The following CEP128 variants were observed in gnomAD, a reference collection of about 807,000 sequenced individuals.
CEP128 encodes centrosomal protein 128kDa.
In CEP128, 132 loss-of-function variants were observed where a neutral mutation model predicts 156.7. That is an observed-to-expected ratio of 0.84 (90% CI 0.73 to 0.97). CEP128 has a LOEUF of 0.97. Among genes scored for constraint, CEP128 ranks in the 50% least tolerant of loss-of-function variants. The pLI, the probability that CEP128 is intolerant of heterozygous loss-of-function variation, is 0.00. For missense variants in CEP128, 1,252 were observed against 1,281.9 expected, an observed-to-expected ratio of 0.98 and a Z score of 0.36; for synonymous variants, 469 against 448.9, an observed-to-expected ratio of 1.04 and a Z score of -0.57.
In CEP128 at chr14:80,507,615, T is replaced by C. The variant is rs146009563; in HGVS notation, c.3073-2595A>G. The stretch of plus-strand genomic sequence containing the variant: ...TAATAAATGGTTTCCCACTAAAAGA[T>C]GCTTTGATGATTAGAGGCCAATAAG... On this transcript the variant is annotated intron_variant, in intron 23 of 24. Transcript: ENST00000555265. Among the ~76,000 whole-genome samples the C allele has an allele frequency of 7.1e-3, 1,081 of 152,298 alleles. 19 individuals are homozygous for C. The highest frequency in any genetic ancestry group is 0.025 in the African/African-American group (1,022 of 41,564).
At chr14:80,881,981 G>A (rs535410616) in intron 8 of CEP128, among the ~76,000 whole-genome samples, 5 of 152,090 alleles carry the variant, frequency 3.3e-5, no homozygotes, top group South Asian at 2.1e-4. Context: ...TTTCACCACC[G>A]TTACTCAACA....
intron 18 of CEP128, 77 bp from the exon 19 acceptor site, chr14:80,743,344 A>T: frequency 8.5e-7 from 1 of 1,178,798 alleles, no homozygotes; most frequent in Non-Finnish European, 1.2e-6. Context: ...AGAAAAAAAT[A>T]AGTAACATAA....
chr14:80,725,015 A>ATG (rs1362829108), intron 19 of CEP128, among the ~76,000 whole-genome samples: 1 of 145,430 alleles, frequency 6.9e-6, no homozygotes, highest in Non-Finnish European at 1.5e-5. Context: ...ATATATACAT[A>ATG]TATGATATAT....
chr14:80,604,087 C>A (rs1351962384), intron 19 of CEP128, among the ~76,000 whole-genome samples: 2 of 152,150 alleles, frequency 1.3e-5, no homozygotes, highest in African/African-American at 4.8e-5. Flanking sequence ...TAAAACATCT[C>A]CTGAAATTCT....
chr14:80,835,060 C>A (rs369422735), intron 12 of CEP128, among the ~76,000 whole-genome samples: 14 of 152,068 alleles, frequency 9.2e-5, no homozygotes, highest in African/African-American at 3.4e-4. Flanking sequence ...TGGACTGGTT[C>A]TCAAGGGAAC....
chr14:80,506,969 T>C (rs1337301204), intron 23 of CEP128, among the ~76,000 whole-genome samples: 1 of 151,912 alleles, frequency 6.6e-6, no homozygotes, highest in Non-Finnish European at 1.5e-5. Context: ...CTTGGTGCCG[T>C]CCTTGCAATA....
At chr14:80,563,206 C>G (rs545313457) in intron 20 of CEP128, among the ~76,000 whole-genome samples, 15 of 152,064 alleles carry the variant, frequency 9.9e-5, no homozygotes, top group African/African-American at 1.4e-4. Context: ...TCCCTGAACC[C>G]CACTCTCAAC....
chr14:80,795,004 T>A (rs912661263), intron 13 of CEP128, among the ~76,000 whole-genome samples: 8 of 152,192 alleles, frequency 5.3e-5, no homozygotes, highest in Admixed American at 2.0e-4. Flanking sequence ...AAATCTAAAA[T>A]GAGACAATAT....
At chr14:80,859,717 A>G (rs1323892174) in intron 9 of CEP128, among the ~76,000 whole-genome samples, 1 of 152,016 alleles carries the variant, frequency 6.6e-6, no homozygotes, top group African/African-American at 2.4e-5. Flanking sequence ...ATTCTTTAAA[A>G]CCCCTACAGA....
At chr14:80,866,206 G>C (rs977296916) in intron 8 of CEP128, among the ~76,000 whole-genome samples, 74 of 152,088 alleles carry the variant, frequency 4.9e-4, no homozygotes, top group African/African-American at 1.8e-3. Flanking sequence ...CCAGGTACCA[G>C]GCCCATCCCA....
intron 13 of CEP128, among the ~76,000 whole-genome samples, chr14:80,826,105 C>T (rs945845955): frequency 2.8e-5 from 2 of 70,488 alleles, no homozygotes; most frequent in Admixed American, 3.3e-4. Context: ...GATTCTGTCT[C>T]AAAAAAAAAA....
chr14:80,862,685 T>C (rs1887570883), intron 9 of CEP128, 72 bp downstream of exon 9: 1 of 981,102 alleles, frequency 1.0e-6, no homozygotes, highest in African/African-American at 1.6e-5. Context: ...TCACATGCAA[T>C]AACCATTTTA....
chr14:80,735,029 T>C (rs1233545549), intron 19 of CEP128, among the ~76,000 whole-genome samples: 1 of 152,110 alleles, frequency 6.6e-6, no homozygotes, highest in Non-Finnish European at 1.5e-5. Flanking sequence ...CCCTCCCAGA[T>C]GTCAGAAAAC....
At chr14:80,482,732 T>A (rs1887081411) in intron 14 of CEP128, among the ~76,000 whole-genome samples, 1 of 152,088 alleles carries the variant, frequency 6.6e-6, no homozygotes, top group Admixed American at 6.5e-5. Flanking sequence ...GTGCCAAACA[T>A]CACTTTAGTA....
At chr14:80,528,978 T>A (rs1294227444) in intron 22 of CEP128, among the ~76,000 whole-genome samples, 1 of 152,230 alleles carries the variant, frequency 6.6e-6, no homozygotes, top group African/African-American at 2.4e-5. Flanking sequence ...CAGCTCTTTT[T>A]AATCACATAG....
intron 21 of CEP128, among the ~76,000 whole-genome samples, chr14:80,534,566 C>G (rs1383486528): frequency 6.6e-6 from 1 of 152,320 alleles, no homozygotes; most frequent in East Asian, 1.9e-4. Flanking sequence ...TGGCTCACGC[C>G]TGTAATCCCA....
At chr14:80,835,964 G>A (rs751248902) in intron 12 of CEP128, among the ~76,000 whole-genome samples, 7 of 152,200 alleles carry the variant, frequency 4.6e-5, no homozygotes, top group Admixed American at 2.0e-4. Context: ...CTTTCTAAGA[G>A]AAAGCCCCAT....
At chr14:80,608,993 T>C (rs1019445151) in intron 19 of CEP128, among the ~76,000 whole-genome samples, 3 of 152,190 alleles carry the variant, frequency 2.0e-5, no homozygotes, top group African/African-American at 7.2e-5. Flanking sequence ...ACTATAGGAA[T>C]GCATATTAAA....
At chr14:80,915,767 C>T (rs1048022885) in intron 3 of CEP128, among the ~76,000 whole-genome samples, 6 of 152,162 alleles carry the variant, frequency 3.9e-5, no homozygotes, top group African/African-American at 9.7e-5. Flanking sequence ...TTCACTCTCA[C>T]GATATTTTAT....
Sources: allele counts gnomAD v4.1 joint callset (sites outside exome capture counted in the v4.1 genomes callset), GRCh38; gene constraint gnomAD v4.1.1; transcripts MANE v1.5; gene names NCBI Gene and HGNC (gene_info 2026-07-23, HGNC 2026-07-21).